PLCG2: variants seen among roughly 807,000 people sequenced by gnomAD.
The protein encoded by PLCG2 is phospholipase C gamma 2, also known as 1-phosphatidylinositol 4,5-bisphosphate phosphodiesterase gamma-2.
In PLCG2, 69 loss-of-function variants were observed where a neutral mutation model predicts 175.6. The observed-to-expected ratio is 0.39, with a 90% CI of 0.32 to 0.48. PLCG2 has a LOEUF of 0.48. PLCG2 is among the 20% of genes least tolerant of loss of function. The pLI is 0.91. For synonymous variants in PLCG2, 827 were observed against 624.0 expected, an observed-to-expected ratio of 1.33 and a Z score of -4.85; for missense variants, 1,798 against 1,650.9, an observed-to-expected ratio of 1.09 and a Z score of -1.54.
Position 81,883,423 on chromosome 16 carries a change from C to G in PLCG2, c.765+82C>G, listed in dbSNP as rs1454869408. On this transcript the variant is annotated intron_variant, in intron 9 of 32. Transcript: ENST00000564138. Reference sequence around the variant, plus strand: ...TAGTCTCACCCTTCTGCCGCCTGTGCTCACCTGGTCACCTGTGCTCACCTG... The same window carrying G: ...TAGTCTCACCCTTCTGCCGCCTGTGGTCACCTGGTCACCTGTGCTCACCTG... 4.4e-6 allele frequency: 5 copies of G among 1,143,682 alleles called. No homozygotes were observed. The East Asian group carries it at 7.2e-5, about 16-fold the overall frequency. 70.8% of individuals were successfully genotyped at this position (1,143,682 alleles called of 1,614,324 possible).
rs1911141888 is a variant in PLCG2, at chr16:81,946,194, G to A, written c.3501G>A (p.Leu1167=). The change falls in exon 31 of 33, where the codon CTG becomes CTA. Residue 1167 remains leucine (L), a synonymous_variant. Coordinates refer to ENST00000564138, the MANE Select transcript of PLCG2 (RefSeq NM_002661.5). ...CTTCAGGATTCAGGTCCGTTCCTCT[G>A]AAGAATGGGTACAGCGAGGACATAG... ...AVKSGFRSVP[L]KNGYSEDIEL... The A allele has an allele frequency of 6.2e-7, 1 of 1,613,824 alleles. No individual in the cohort carries two copies. Among genetic ancestry groups the A allele is most frequent in the Non-Finnish European group, 8.5e-7 (1 of 1,179,738 alleles).
intron 1 of PLCG2, among the ~76,000 whole-genome samples, chr16:81,784,459 G>C (rs545421919): frequency 6.6e-6 from 1 of 152,142 alleles, no homozygotes; most frequent in East Asian, 1.9e-4. Flanking sequence ...GGCTGAGCCC[G>C]GCTGGAAGCA....
intron 2 of PLCG2, among the ~76,000 whole-genome samples, chr16:81,769,920 C>G (rs1024638593): frequency 1.3e-5 from 2 of 151,522 alleles, no homozygotes; most frequent in Admixed American, 1.3e-4. Context: ...CTTAATGCCT[C>G]TGAGCCTCGG....
At chr16:81,868,902 C>G (rs540841666) in intron 5 of PLCG2, among the ~76,000 whole-genome samples, 72 of 152,328 alleles carry the variant, frequency 4.7e-4, no homozygotes, top group Admixed American at 2.9e-3. Context: ...TCACTGTACG[C>G]TATAAATCTC....
upstream of PLCG2, among the ~76,000 whole-genome samples, chr16:81,775,071 C>G (rs1369406813): frequency 6.6e-6 from 1 of 152,146 alleles, no homozygotes; most frequent in African/African-American, 2.4e-5. Context: ...AAACAGCTTT[C>G]TTGAGATATA....
chr16:81,863,998 C>T (rs1427180476), intron 5 of PLCG2, among the ~76,000 whole-genome samples: 2 of 152,138 alleles, frequency 1.3e-5, no homozygotes, highest in Non-Finnish European at 2.9e-5. Flanking sequence ...AGTAGTGATT[C>T]GGGTTTTACT....
chr16:81,915,172 G>A lies in PLCG2; in HGVS notation c.2054+2456G>A, dbSNP rs115346388. Among the ~76,000 whole-genome samples, 496 of 152,304 alleles carry A rather than the reference G, an allele frequency of 3.3e-3. 3 individuals carry two copies. Among genetic ancestry groups the A allele is most frequent in the African/African-American group, 0.011 (474 of 41,558 alleles). On this transcript the variant is annotated intron_variant, in intron 19 of 32. Coordinates refer to ENST00000564138, the MANE Select transcript of PLCG2 (RefSeq NM_002661.5). ...GGGATTGGTCAGGCAGGGTGGTGGA[G>A]GGTGAGTAGCTCTCCAGGGAAACGG... is the stretch of plus-strand genomic sequence containing the variant.
intron 1 of PLCG2, among the ~76,000 whole-genome samples, chr16:81,755,661 G>C (rs1909906604): frequency 6.6e-6 from 1 of 152,004 alleles, no homozygotes; most frequent in Admixed American, 6.6e-5. Context: ...GAGTAGCTGG[G>C]ATTACAGGCA....
chr16:81,773,625 T>C (rs1444829626), intron 2 of PLCG2, among the ~76,000 whole-genome samples: 1 of 152,172 alleles, frequency 6.6e-6, no homozygotes, highest in Non-Finnish European at 1.5e-5. Context: ...GCAGTCTGGT[T>C]CTTAGCATAA....
At chr16:81,776,101 T>TTTTCTTTC (rs770091973), upstream of PLCG2, among the ~76,000 whole-genome samples, 1 of 55,310 alleles carries the variant, frequency 1.8e-5, no homozygotes, top group African/African-American at 5.7e-5. Context: ...TTCTTTCTTT[T>TTTTCTTTC]TTTCCTTCTT....
chr16:81,909,609 G>C (rs539066713), intron 17 of PLCG2, among the ~76,000 whole-genome samples: 23 of 152,300 alleles, frequency 1.5e-4, no homozygotes, highest in African/African-American at 5.5e-4. Context: ...TAGAGCTGGA[G>C]TCTCACTACG....
At chr16:81,777,619 G>C (rs558839100), upstream of PLCG2, among the ~76,000 whole-genome samples, 7 of 150,118 alleles carry the variant, frequency 4.7e-5, no homozygotes, top group Non-Finnish European at 8.9e-5. Context: ...ACGCCAGTTG[G>C]GAGTGCTGAA....
In PLCG2 at chr16:81,927,072, T is replaced by G; in HGVS notation, c.2418-10T>G. On this transcript the variant is annotated splice_polypyrimidine_tract_variant and intron_variant, in intron 22 of 32. Coordinates refer to ENST00000564138, the MANE Select transcript of PLCG2 (RefSeq NM_002661.5). ...GTGACAGCGCCCCCATGTCCTCTCTTCTTATCCAGGTGGAAAGGAGACTAT... is the reference window on the plus strand; with the variant it reads ...GTGACAGCGCCCCCATGTCCTCTCTGCTTATCCAGGTGGAAAGGAGACTAT... 1 of 1,595,776 alleles carries G rather than the reference T, an allele frequency of 6.3e-7. No individual in the cohort carries two copies. The highest frequency in any genetic ancestry group is 1.1e-5 in the South Asian group (1 of 90,726).
intron 2 of PLCG2, among the ~76,000 whole-genome samples, chr16:81,843,683 ATTC>A (rs1421788537): frequency 4.6e-5 from 7 of 152,244 alleles, no homozygotes; most frequent in African/African-American, 1.4e-4. Flanking sequence ...GAATTAGGAT[ATTC>A]TTCTATCCTC....
At chr16:81,788,273 A>T (rs1263787865) in intron 2 of PLCG2, among the ~76,000 whole-genome samples, 1 of 152,122 alleles carries the variant, frequency 6.6e-6, no homozygotes, top group Non-Finnish European at 1.5e-5. Context: ...TTCTGAGCTG[A>T]AGGATATGGC....
At chr16:81,795,096 G>C (rs1465893571) in intron 2 of PLCG2, among the ~76,000 whole-genome samples, 2 of 152,176 alleles carry the variant, frequency 1.3e-5, no homozygotes, top group African/African-American at 2.4e-5. Flanking sequence ...GATGTGTGTT[G>C]GGCAATGTGC....
chr16:81,777,064 C>T (rs954551160), upstream of PLCG2, among the ~76,000 whole-genome samples: 1 of 152,186 alleles, frequency 6.6e-6, no homozygotes, highest in Non-Finnish European at 1.5e-5. Context: ...TGACCATTAT[C>T]TCACACACAG....
At chr16:81,863,351 T>G (rs1403289136) in intron 5 of PLCG2, among the ~76,000 whole-genome samples, 1 of 152,270 alleles carries the variant, frequency 6.6e-6, no homozygotes, top group Non-Finnish European at 1.5e-5. Context: ...TCTCCAAGTT[T>G]CATCTGTGTT....
At chr16:81,812,667 T>C (rs951143932) in intron 2 of PLCG2, among the ~76,000 whole-genome samples, 6 of 152,378 alleles carry the variant, frequency 3.9e-5, no homozygotes, top group Admixed American at 3.3e-4. Flanking sequence ...TCTTTTGCTG[T>C]GCAGAAGCTC....
Sources: gnomAD v4.1 joint callset for allele counts (sites outside exome capture counted in the v4.1 genomes callset) on GRCh38, gnomAD v4.1.1 for gene constraint, MANE v1.5 for transcripts, NCBI Gene and HGNC (gene_info 2026-07-23, HGNC 2026-07-21) for gene names.